Variants in ARHGAP10 observed in about 807,000 individuals in gnomAD.
ARHGAP10 encodes rho GTPase-activating protein 10.
A neutral mutation model predicts 108.6 loss-of-function variants in ARHGAP10; 87 were observed. The ratio of observed to expected loss-of-function variants is 0.80; its 90% CI spans 0.67 to 0.96. The LOEUF (loss-of-function observed/expected upper bound fraction) is 0.96. ARHGAP10 is among the 40% of genes least tolerant of loss of function. The pLI, the probability that ARHGAP10 is intolerant of heterozygous loss-of-function variation, is 0.00. For synonymous variants in ARHGAP10, 347 were observed against 341.1 expected (o/e 1.02, Z -0.19); for missense variants, 939 against 954.5 (o/e 0.98, Z 0.21).
chr4:147,911,912 C>G (rs1736752810), intron 12 of ARHGAP10, among the ~76,000 whole-genome samples: 1 of 135,706 alleles, frequency 7.4e-6, no homozygotes, highest in Admixed American at 8.0e-5. Context: ...TTTTAAAAAG[C>G]TTTTCTTAAA....
chr4:147,963,865 C>T (rs914506783), intron 16 of ARHGAP10, among the ~76,000 whole-genome samples: 5 of 152,196 alleles, frequency 3.3e-5, no homozygotes, highest in South Asian at 4.1e-4. Context: ...GGACAACCTC[C>T]GCTGTGCTGC....
At chr4:147,840,792 T>C (rs1489817174) in intron 3 of ARHGAP10, among the ~76,000 whole-genome samples, 1 of 152,252 alleles carries the variant, frequency 6.6e-6, no homozygotes, top group Non-Finnish European at 1.5e-5. Context: ...TCCCTCTCTT[T>C]AGCTCGAGAG....
chr4:147,797,400 G>T (rs143582736), intron 1 of ARHGAP10, among the ~76,000 whole-genome samples: 1 of 151,778 alleles, frequency 6.6e-6, no homozygotes, highest in African/African-American at 2.4e-5. Flanking sequence ...ATGGTCCAAC[G>T]TACCCTCCCC....
chr4:147,946,339 G>T, intron 14 of ARHGAP10: 1 of 346,540 alleles, frequency 2.9e-6, no homozygotes, highest in Non-Finnish European at 5.1e-6. Flanking sequence ...ATTACATTGT[G>T]GATGTTGAAA....
intron 16 of ARHGAP10, among the ~76,000 whole-genome samples, chr4:147,959,191 CAA>C (rs1422004005): frequency 6.6e-6 from 1 of 150,570 alleles, no homozygotes; most frequent in East Asian, 1.9e-4. Context: ...AATGTCAAAA[CAA>C]GATAGAGAAA....
At chr4:148,068,306 A>T (rs761027457) in intron 22 of ARHGAP10, among the ~76,000 whole-genome samples, 3 of 152,138 alleles carry the variant, frequency 2.0e-5, no homozygotes, top group Non-Finnish European at 2.9e-5. Flanking sequence ...CCACATGTAG[A>T]TGTGGGGGAG....
At chr4:148,070,685 G>A (rs1730132470) in intron 22 of ARHGAP10, among the ~76,000 whole-genome samples, 1 of 152,202 alleles carries the variant, frequency 6.6e-6, no homozygotes, top group African/African-American at 2.4e-5. Flanking sequence ...CATGAAACTT[G>A]TGTGTGTTAC....
intron 3 of ARHGAP10, among the ~76,000 whole-genome samples, chr4:147,825,569 A>G (rs1452166234): frequency 6.6e-6 from 1 of 152,214 alleles, no homozygotes; most frequent in Non-Finnish European, 1.5e-5. Context: ...GTGTGAAGAC[A>G]GTGTGGTCCC....
chr4:147,763,477 A>G (rs1579013537), intron 1 of ARHGAP10, among the ~76,000 whole-genome samples: 1 of 151,878 alleles, frequency 6.6e-6, no homozygotes, highest in Non-Finnish European at 1.5e-5. Flanking sequence ...ATACCCAGCT[A>G]ATTTTTGTGT....
chr4:147,775,032 C>G (rs1281928644), intron 1 of ARHGAP10, among the ~76,000 whole-genome samples: 1 of 151,952 alleles, frequency 6.6e-6, no homozygotes, highest in Non-Finnish European at 1.5e-5. Flanking sequence ...CAGGAGTACT[C>G]TACTTCTGAG....
At chr4:148,039,927 C>A (rs1164790638) in intron 19 of ARHGAP10, among the ~76,000 whole-genome samples, 1 of 152,172 alleles carries the variant, frequency 6.6e-6, no homozygotes, top group Non-Finnish European at 1.5e-5. Context: ...TATTACAAAT[C>A]TCTAAATCTC....
chr4:147,821,578 C>G (rs1732499655), intron 1 of ARHGAP10, among the ~76,000 whole-genome samples: 1 of 152,234 alleles, frequency 6.6e-6, no homozygotes, highest in Non-Finnish European at 1.5e-5. Flanking sequence ...CAGAAACTTA[C>G]AGTGGGGAAT....
intron 20 of ARHGAP10, among the ~76,000 whole-genome samples, chr4:148,048,730 G>C (rs1240776554): frequency 6.6e-6 from 1 of 152,168 alleles, no homozygotes; most frequent in Admixed American, 6.5e-5. Flanking sequence ...TTCTGTAGCA[G>C]TTCTGCAGAA....
chr4:147,987,058 A>G (rs1381691050), intron 18 of ARHGAP10, among the ~76,000 whole-genome samples: 2 of 152,248 alleles, frequency 1.3e-5, no homozygotes, highest in African/African-American at 4.8e-5. Flanking sequence ...CTGAAAATAG[A>G]ATATTTTGAT....
At chr4:147,751,008 T>A (rs1208083524) in intron 1 of ARHGAP10, among the ~76,000 whole-genome samples, 1 of 151,680 alleles carries the variant, frequency 6.6e-6, no homozygotes, top group Non-Finnish European at 1.5e-5. Context: ...TGAAACCCCA[T>A]CTCTGCTAAA....
chr4:147,921,684 A>G (rs914532459), intron 13 of ARHGAP10, among the ~76,000 whole-genome samples: 3 of 152,128 alleles, frequency 2.0e-5, no homozygotes, highest in Non-Finnish European at 2.9e-5. Flanking sequence ...ACAATTTCAA[A>G]TGTGTTTTAG....
At chr4:147,881,089 C>T (rs1207447662) in intron 9 of ARHGAP10, among the ~76,000 whole-genome samples, 1 of 151,484 alleles carries the variant, frequency 6.6e-6, no homozygotes, top group Non-Finnish European at 1.5e-5. Flanking sequence ...GCCTGGCCAA[C>T]ATGGTGAAAT....
intron 1 of ARHGAP10, among the ~76,000 whole-genome samples, chr4:147,815,960 C>G (rs192957167): frequency 2.7e-4 from 41 of 152,342 alleles, no homozygotes; most frequent in Non-Finnish European, 1.5e-5. Context: ...TTGTAAGCCA[C>G]TGCATTTGTG....
intron 1 of ARHGAP10, among the ~76,000 whole-genome samples, chr4:147,742,783 C>T (rs1163039695): frequency 2.0e-5 from 3 of 151,984 alleles, no homozygotes; most frequent in Non-Finnish European, 4.4e-5. Context: ...CTGTGCCCAG[C>T]GCATGTTTTT....
Sources: allele counts gnomAD v4.1 joint callset (sites outside exome capture counted in the v4.1 genomes callset), GRCh38; gene constraint gnomAD v4.1.1; transcripts MANE v1.5; gene names NCBI Gene and HGNC (gene_info 2026-07-23, HGNC 2026-07-21).